Variants in TSPAN5 observed in about 807,000 individuals in gnomAD.
TSPAN5 encodes the protein tetraspanin-5.
In TSPAN5, 10 loss-of-function variants were observed where a neutral mutation model predicts 37.1. That is an observed-to-expected ratio of 0.27 (90% CI 0.17 to 0.46). The LOEUF (loss-of-function observed/expected upper bound fraction) is 0.46, where lower values mean the gene tolerates loss of function less well. Among genes scored for constraint, TSPAN5 ranks in the 20% least tolerant of loss-of-function variants. The pLI is 1.00. For synonymous variants in TSPAN5, 110 were observed against 118.9 expected, an observed-to-expected ratio of 0.93 and a Z score of 0.48; for missense variants, 195 against 326.6, an observed-to-expected ratio of 0.60 and a Z score of 3.11.
chr4:98,554,645 G>A (rs911963487), intron 1 of TSPAN5, among the ~76,000 whole-genome samples: 6 of 152,044 alleles, frequency 3.9e-5, no homozygotes, highest in Non-Finnish European at 7.4e-5. Flanking sequence ...GCCTTTGCAC[G>A]CTTTTTAATA....
chr4:98,568,008 A>G (rs1171192532), intron 1 of TSPAN5, among the ~76,000 whole-genome samples: 3 of 152,184 alleles, frequency 2.0e-5, no homozygotes, highest in African/African-American at 7.2e-5. Context: ...AAATGAAATA[A>G]TACATGCACA....
At chr4:98,650,266 C>T (rs1365052856) in intron 1 of TSPAN5, among the ~76,000 whole-genome samples, 1 of 152,090 alleles carries the variant, frequency 6.6e-6, no homozygotes, top group East Asian at 1.9e-4. Context: ...TTAGGTAGGT[C>T]CAATCTGGTA....
intron 1 of TSPAN5, among the ~76,000 whole-genome samples, chr4:98,543,456 C>T (rs1299946029): frequency 6.6e-6 from 1 of 150,836 alleles, no homozygotes; most frequent in Non-Finnish European, 1.5e-5. Context: ...CCCTCTGTCG[C>T]CCAGACTAGA....
At chr4:98,542,680 C>G (rs911940736) in intron 1 of TSPAN5, among the ~76,000 whole-genome samples, 1 of 139,414 alleles carries the variant, frequency 7.2e-6, no homozygotes, top group African/African-American at 2.7e-5. Context: ...GATCGTGCCA[C>G]TGCACTTTAG....
chr4:98,531,826 T>C (rs1301960407), intron 1 of TSPAN5, among the ~76,000 whole-genome samples: 1 of 152,234 alleles, frequency 6.6e-6, no homozygotes, highest in Non-Finnish European at 1.5e-5. Context: ...TGATGAGCTT[T>C]TTTTCATATG....
intron 2 of TSPAN5, chr4:98,500,164 A>G (rs956647871): frequency 6.6e-6 from 1 of 152,078 alleles, no homozygotes; most frequent in Non-Finnish European, 1.5e-5. Flanking sequence ...ATTTTCCTCT[A>G]TTGCCTCCCT....
chr4:98,602,272 T>C (rs1560554564), intron 1 of TSPAN5, among the ~76,000 whole-genome samples: 2 of 152,100 alleles, frequency 1.3e-5, no homozygotes, highest in Admixed American at 6.6e-5. Flanking sequence ...AAAAACATAA[T>C]ATATGTGAAG....
chr4:98,598,690 A>G (rs9997798), intron 1 of TSPAN5, among the ~76,000 whole-genome samples: 31,471 of 151,894 alleles, frequency 0.21, 4,596 homozygotes, highest in African/African-American at 0.41. Context: ...TTGAACTGCC[A>G]AGCTCAAGCG....
At position 98,595,240 on chromosome 4, in the gene TSPAN5, G is replaced by T. The variant is rs1392225927; in HGVS notation, c.81+62906C>A. Among the ~76,000 whole-genome samples, 20 of 104,986 alleles carry T rather than the reference G, an allele frequency of 1.9e-4. 1 individual carries two copies. The highest frequency in any genetic ancestry group is 1.9e-3 in the Admixed American group (19 of 10,266). 68.9% of individuals were successfully genotyped at this position (104,986 alleles called of 152,430 possible). A position where few individuals can be genotyped will look rare whatever the true frequency, so the allele number is the denominator to read the frequency against. On this transcript the variant is annotated intron_variant, in intron 1 of 7. Transcript: ENST00000305798. ...GTTTATTTGCGTAGAGGTGTTTGTA[G>T]TATTCTCTGATGGTAGTTTGTATTT...
chr4:98,487,416 G>T (rs1391859525), intron 2 of TSPAN5, among the ~76,000 whole-genome samples: 5 of 152,152 alleles, frequency 3.3e-5, no homozygotes, highest in African/African-American at 7.2e-5. Flanking sequence ...CCCCCAGAGA[G>T]GGGGGAGGTC....
At chr4:98,554,728 C>T (rs921285272) in intron 1 of TSPAN5, among the ~76,000 whole-genome samples, 2 of 152,140 alleles carry the variant, frequency 1.3e-5, no homozygotes, top group Admixed American at 6.5e-5. Flanking sequence ...ACTGTTAATA[C>T]ATGCATAAAG....
chr4:98,641,588 C>G (rs565769065), intron 1 of TSPAN5, among the ~76,000 whole-genome samples: 20 of 152,296 alleles, frequency 1.3e-4, no homozygotes, highest in African/African-American at 3.6e-4. Flanking sequence ...GCGCCAAAAC[C>G]ATTTAGTGGA....
chr4:98,617,544 G>A (rs1756369108), intron 1 of TSPAN5, among the ~76,000 whole-genome samples: 1 of 152,188 alleles, frequency 6.6e-6, no homozygotes, highest in Admixed American at 6.5e-5. Context: ...AACTCAGGCT[G>A]ATCAGTGTAG....
chr4:98,598,159 G>C (rs1169022282), intron 1 of TSPAN5, among the ~76,000 whole-genome samples: 6 of 136,498 alleles, frequency 4.4e-5, no homozygotes, highest in Non-Finnish European at 9.2e-5. Flanking sequence ...TCTTAAGCCA[G>C]TCTGAAAAGC....
intron 1 of TSPAN5, among the ~76,000 whole-genome samples, chr4:98,586,388 AC>A (rs1445889672): frequency 1.3e-5 from 2 of 152,166 alleles, no homozygotes; most frequent in Non-Finnish European, 2.9e-5. Flanking sequence ...AAGAAACCAG[AC>A]TGCAGATTTG....
At chr4:98,560,534 C>T (rs10005706) in intron 1 of TSPAN5, among the ~76,000 whole-genome samples, 14,859 of 152,140 alleles carry the variant, frequency 0.098, 1,154 homozygotes, top group East Asian at 0.28. Context: ...TTGTTTAGGA[C>T]GTGCCTCCAA....
At chr4:98,519,408 G>T (rs1022222690) in intron 1 of TSPAN5, among the ~76,000 whole-genome samples, 5 of 152,138 alleles carry the variant, frequency 3.3e-5, no homozygotes, top group Non-Finnish European at 7.4e-5. Context: ...CTGAGTGGGA[G>T]GATCGCTTGA....
At chr4:98,498,317 CCT>C (rs1409996125) in intron 2 of TSPAN5, among the ~76,000 whole-genome samples, 1 of 152,180 alleles carries the variant, frequency 6.6e-6, no homozygotes, top group African/African-American at 2.4e-5. Context: ...CACACCACTC[CCT>C]GTGATCTATT....
At chr4:98,546,810 C>T (rs1754481977) in intron 1 of TSPAN5, among the ~76,000 whole-genome samples, 1 of 152,182 alleles carries the variant, frequency 6.6e-6, no homozygotes, top group Non-Finnish European at 1.5e-5. Flanking sequence ...CTATCTGATT[C>T]CCTAAGAGGG....
Sources: gnomAD v4.1 joint callset for allele counts (sites outside exome capture counted in the v4.1 genomes callset) on GRCh38, gnomAD v4.1.1 for gene constraint, MANE v1.5 for transcripts, NCBI Gene and HGNC (gene_info 2026-07-23, HGNC 2026-07-21) for gene names.